MINDY4: variants seen among roughly 807,000 people sequenced by gnomAD.
The protein encoded by MINDY4 is probable ubiquitin carboxyl-terminal hydrolase MINDY-4.
In MINDY4, 68 loss-of-function variants were observed where a neutral mutation model predicts 87.0. That is an observed-to-expected ratio of 0.78 (90% CI 0.64 to 0.96). The LOEUF is 0.96. MINDY4 is among the 40% of genes least tolerant of loss of function. The pLI is 0.00. For synonymous variants in MINDY4, 379 were observed against 363.2 expected (o/e 1.04, Z -0.50); for missense variants, 919 against 928.2 (o/e 0.99, Z 0.13).
rs998151995 is a variant in MINDY4 at position 30,793,851 on chromosome 7, A to G, written c.1073+2277A>G. Among the ~76,000 whole-genome samples the G allele has an allele frequency of 3.3e-5, 5 of 152,220 alleles. No individual in the cohort carries two copies. In the South Asian group the frequency reaches 6.2e-4, roughly 19 times the overall value. ...TTAGGGTGGAGTGATTAAAGAGGGGAAGAATGGCCAGGTGGGCCAGACCAG... is the reference window on the plus strand; with the variant it reads ...TTAGGGTGGAGTGATTAAAGAGGGGGAGAATGGCCAGGTGGGCCAGACCAG... On this transcript the variant is annotated intron_variant, in intron 5 of 17. Coordinates refer to ENST00000265299, the MANE Select transcript of MINDY4 (RefSeq NM_032222.3).
intron 5 of MINDY4, among the ~76,000 whole-genome samples, chr7:30,820,058 C>A (rs958224959): frequency 6.6e-6 from 1 of 150,646 alleles, no homozygotes; most frequent in Admixed American, 6.6e-5. Context: ...CCCGCCACTA[C>A]GCCCGGCTAA....
Position 30,882,370 on chromosome 7 carries a change from C to A in MINDY4, c.2152+9C>A. 6.5e-7 allele frequency: 1 copy of A among 1,526,842 alleles called. No individual in the cohort carries two copies. The highest frequency in any genetic ancestry group is 8.8e-7 in the Non-Finnish European group (1 of 1,130,658). 94.6% of individuals were successfully genotyped at this position (1,526,842 alleles called of 1,614,324 possible). On this transcript the variant is annotated intron_variant, in intron 16 of 17. Coordinates refer to ENST00000265299, the MANE Select transcript of MINDY4 (RefSeq NM_032222.3). ...GATCCGGCTGACCATTGGTGCGGGC[C>A]CTCACCCCCCCACCCACCCAACCCT...
chr7:30,848,146 A>G (rs1789283885), intron 9 of MINDY4, among the ~76,000 whole-genome samples: 3 of 152,344 alleles, frequency 2.0e-5, no homozygotes, highest in Admixed American at 6.5e-5. Flanking sequence ...CCTTACTTCC[A>G]GATATGGAGT....
intron 15 of MINDY4, among the ~76,000 whole-genome samples, chr7:30,877,819 ATGCTTTTT>A: frequency 1.1e-5 from 1 of 94,110 alleles, no homozygotes; most frequent in African/African-American, 3.8e-5. Flanking sequence ...TTACAGGGAC[ATGCTTTTT>A]TTTTTTTTTT....
intron 4 of MINDY4, chr7:30,786,283 T>G: frequency 5.3e-6 from 2 of 380,482 alleles, no homozygotes; most frequent in Non-Finnish European, 9.6e-6. Context: ...AGCTTTGTCT[T>G]TGCAGTTCAG....
chr7:30,774,370 C>A (rs1562526640), intron 1 of MINDY4, among the ~76,000 whole-genome samples: 1 of 152,166 alleles, frequency 6.6e-6, no homozygotes, highest in Non-Finnish European at 1.5e-5. Context: ...GTGTGCATGC[C>A]CTCTCTTGTG....
intron 5 of MINDY4, among the ~76,000 whole-genome samples, chr7:30,821,589 A>G (rs1228252084): frequency 6.6e-6 from 1 of 152,138 alleles, no homozygotes; most frequent in East Asian, 1.9e-4. Flanking sequence ...TTTGAATCTC[A>G]TGTTTCTATG....
At chr7:30,886,141 C>T (rs559541684) in intron 17 of MINDY4, among the ~76,000 whole-genome samples, 1 of 152,282 alleles carries the variant, frequency 6.6e-6, no homozygotes, top group African/African-American at 2.4e-5. Flanking sequence ...AGCCCAAGCT[C>T]CTGATAAGAT....
rs540356423 is a variant in MINDY4 at position 30,843,092 on chromosome 7, C to G, written c.1445+2244C>G. 2.6e-5 allele frequency among the ~76,000 whole-genome samples: 4 copies of G among 152,364 alleles called. No homozygotes were observed. In the East Asian group the frequency reaches 5.8e-4, roughly 22 times the overall value. ...ACACAAGCCCCGTGAGAACAGGGAC[C>G]TTCCTGAGCTGGTTCACAGCCAGGG... On this transcript the variant is annotated intron_variant, in intron 9 of 17. Transcript: ENST00000265299.
intron 6 of MINDY4, among the ~76,000 whole-genome samples, chr7:30,834,443 A>C (rs541950696): frequency 6.6e-6 from 1 of 152,342 alleles, no homozygotes; most frequent in South Asian, 2.1e-4. Context: ...TACACAGCAC[A>C]GGGACCCTGG....
At chr7:30,822,264 G>A (rs974820406) in intron 5 of MINDY4, among the ~76,000 whole-genome samples, 3 of 151,068 alleles carry the variant, frequency 2.0e-5, no homozygotes, top group African/African-American at 7.3e-5. Context: ...TGTCACCTCC[G>A]TTTCCCAGAT....
At chr7:30,826,948 T>C (rs1788533312) in intron 5 of MINDY4, among the ~76,000 whole-genome samples, 1 of 152,156 alleles carries the variant, frequency 6.6e-6, no homozygotes, top group Non-Finnish European at 1.5e-5. Context: ...ATGGGGACTC[T>C]TTGAAGAATT....
At chr7:30,841,832 A>G (rs568875057) in intron 9 of MINDY4, among the ~76,000 whole-genome samples, 4 of 152,332 alleles carry the variant, frequency 2.6e-5, no homozygotes, top group South Asian at 2.1e-4. Flanking sequence ...TAATAATTAA[A>G]TGGATTTTAA....
intron 1 of MINDY4, 107 bp from the exon 2 acceptor site, chr7:30,778,325 A>G (rs559375564): frequency 7.2e-7 from 1 of 1,393,436 alleles, no homozygotes; most frequent in South Asian, 1.2e-5. Flanking sequence ...TGTAAAGGTT[A>G]TATGAGAATT....
chr7:30,828,872 A>G (rs1584285216), intron 6 of MINDY4, 135 bp downstream of exon 6: 1 of 738,228 alleles, frequency 1.4e-6, no homozygotes. Flanking sequence ...TCAAGTGAGT[A>G]GAGTAGACTA....
At chr7:30,809,018 AAGAG>A (rs891417762) in intron 5 of MINDY4, among the ~76,000 whole-genome samples, 19 of 152,172 alleles carry the variant, frequency 1.2e-4, no homozygotes, top group African/African-American at 4.6e-4. Flanking sequence ...CAGAAAATCA[AAGAG>A]AGAAAGAAAG....
chr7:30,773,637 T>A (rs1263673969), intron 1 of MINDY4, among the ~76,000 whole-genome samples: 2 of 152,160 alleles, frequency 1.3e-5, no homozygotes, highest in African/African-American at 4.8e-5. Context: ...CTTGAGTCTG[T>A]GGCTCCACTC....
At chr7:30,887,574 C>T (rs560890571) in intron 17 of MINDY4, among the ~76,000 whole-genome samples, 18 of 152,312 alleles carry the variant, frequency 1.2e-4, no homozygotes, top group Admixed American at 7.8e-4. Flanking sequence ...GGCTTTGAAG[C>T]GTGAGCCAGC....
intron 9 of MINDY4, among the ~76,000 whole-genome samples, chr7:30,844,569 G>A (rs1789147625): frequency 6.6e-6 from 1 of 152,192 alleles, no homozygotes; most frequent in African/African-American, 2.4e-5. Flanking sequence ...AGGGAGTGAG[G>A]GCCTGCTGTC....
Sources: allele counts gnomAD v4.1 joint callset (sites outside exome capture counted in the v4.1 genomes callset), GRCh38; gene constraint gnomAD v4.1.1; transcripts MANE v1.5; gene names NCBI Gene and HGNC (gene_info 2026-07-23, HGNC 2026-07-21).